The following DNAH11 variants were observed in gnomAD, a reference collection of about 807,000 sequenced individuals.
DNAH11 encodes the protein axonemal beta dynein heavy chain 11.
Under a neutral mutation model 526.0 loss-of-function variants are expected in DNAH11, and 442 were observed. The ratio of observed to expected loss-of-function variants is 0.84; its 90% confidence interval spans 0.78 to 0.91. The LOEUF (loss-of-function observed/expected upper bound fraction) is 0.91, where lower values mean the gene tolerates loss of function less well. Among genes scored for constraint, DNAH11 ranks in the 40% least tolerant of loss-of-function variants. DNAH11 has a pLI of 0.00. For synonymous variants in DNAH11, 2,461 were observed against 1,935.9 expected (o/e 1.27, Z -7.12); for missense variants, 6,989 against 5,448.7 (o/e 1.28, Z -8.90).
At chr7:21,616,369 C>T (rs1034785065) in intron 22 of DNAH11, 77 bp downstream of exon 22, 21 of 1,178,744 alleles carry the variant, frequency 1.8e-5, no homozygotes, top group Non-Finnish European at 2.0e-5. Flanking sequence ...AATCTAGTAT[C>T]TGGTGTATTG....
chr7:21,683,829 C>G lies in DNAH11; in HGVS notation c.5506C>G (p.Arg1836Gly), dbSNP rs370080269. Residue 1836 changes from arginine to glycine, a missense_variant, in exon 32 of 82, where the codon CGA becomes GGA. Arg to Gly is a moderately radical substitution (Grantham distance 125). Transcript: ENST00000409508. Reference protein sequence around the residue: ...AFTWLSQLRHRWEDTQKHCFV... With the variant: ...AFTWLSQLRHGWEDTQKHCFV... ...TACATGGCTGTCTCAACTTCGTCAC[C>G]GATGGGAGGATACCCAGAAACACTG... 4.3e-6 allele frequency: 7 copies of G among 1,612,430 alleles called. No homozygotes were observed. The highest frequency in any genetic ancestry group is 5.9e-6 in the Non-Finnish European group (7 of 1,179,264).
intron 77 of DNAH11, among the ~76,000 whole-genome samples, chr7:21,892,899 A>T (rs1222020871): frequency 3.9e-5 from 6 of 152,116 alleles, no homozygotes; most frequent in Non-Finnish European, 8.8e-5. Flanking sequence ...CTCTATCATC[A>T]CAGATTAGCT....
chr7:21,834,449 A>T (rs1488325585), intron 65 of DNAH11, among the ~76,000 whole-genome samples: 1 of 152,134 alleles, frequency 6.6e-6, no homozygotes, highest in Non-Finnish European at 1.5e-5. Flanking sequence ...GAACAAACTA[A>T]ACCCAAAATT....
In DNAH11 at chr7:21,677,473, T is replaced by G. The variant is rs549690027; in HGVS notation, c.5329-4073T>G. Among the ~76,000 whole-genome samples the G allele has an allele frequency of 1.4e-4, 21 of 152,216 alleles. No homozygotes were observed. The South Asian group carries it at 4.1e-3, about 30-fold the overall frequency. On this transcript the variant is annotated intron_variant, in intron 30 of 81. Coordinates refer to ENST00000409508, the MANE Select transcript of DNAH11 (RefSeq NM_001277115.2). ...CTCAGCTCACTGCAGCCTATACATCTCAGAGTCAAGCGATTCTCCTGCCTC... is the reference window on the plus strand; with the variant it reads ...CTCAGCTCACTGCAGCCTATACATCGCAGAGTCAAGCGATTCTCCTGCCTC...
intron 62 of DNAH11, among the ~76,000 whole-genome samples, chr7:21,802,294 C>T (rs1789029687): frequency 6.6e-6 from 1 of 152,142 alleles, no homozygotes; most frequent in Non-Finnish European, 1.5e-5. Context: ...GATACCACTT[C>T]ATAACCACCA....
At chr7:21,874,356 A>G (rs972716484) in intron 74 of DNAH11, among the ~76,000 whole-genome samples, 1 of 149,110 alleles carries the variant, frequency 6.7e-6, no homozygotes, top group African/African-American at 2.5e-5. Context: ...TTTTTTTGAG[A>G]CAGAGTTTTG....
rs997610083 is a variant in DNAH11, at chr7:21,739,741, G to A, written c.7914+68G>A. 3.3e-5 allele frequency: 40 copies of A among 1,209,420 alleles called. No individual in the cohort carries two copies. The Admixed American group carries it at 8.3e-4, about 25-fold the overall frequency. 74.9% of individuals were successfully genotyped at this position (1,209,420 alleles called of 1,614,324 possible). A position where few individuals can be genotyped will look rare whatever the true frequency, so the allele number is the denominator to read the frequency against. On this transcript the variant is annotated intron_variant, in intron 48 of 81. Transcript: ENST00000409508. ...TGTATTGTTTTCGAGTACAGCTTAG[G>A]ATTCCTATGGGACATCTTGTTAAGC...
At position 21,637,721 on chromosome 7, in the gene DNAH11, A is replaced by G; in HGVS notation, c.4817+19A>G. On this transcript the variant is annotated intron_variant, in intron 27 of 81. Coordinates refer to ENST00000409508, the MANE Select transcript of DNAH11 (RefSeq NM_001277115.2). ...AGTCCAGGTAAGAATAAAGCTATAT[A>G]AGATAATCAATTTACTGTAATTTTA... 1 of 1,425,788 alleles carries G rather than the reference A, an allele frequency of 7.0e-7. No homozygotes were observed. Among genetic ancestry groups the G allele is most frequent in the South Asian group, 1.4e-5 (1 of 73,464 alleles). The allele number at this position is 1,425,788 out of a possible 1,614,324, so 88.3% of individuals were successfully genotyped here.
At chr7:21,872,138 A>AC (rs1554291072) in intron 73 of DNAH11, among the ~76,000 whole-genome samples, 1 of 128,914 alleles carries the variant, frequency 7.8e-6, no homozygotes, top group South Asian at 2.3e-4. Flanking sequence ...AAAAAAAAAA[A>AC]AAAAAAAAAA....
Position 21,705,401 on chromosome 7 carries a change from A to T in DNAH11, c.6469-59A>T, listed in dbSNP as rs533584293. ...AAGAAGAATTGGGCAAAAATGGTAG[A>T]TTATCTTTTTGTCACCAACTCCTTA... On this transcript the variant is annotated intron_variant, in intron 38 of 81. Coordinates refer to ENST00000409508, the MANE Select transcript of DNAH11 (RefSeq NM_001277115.2). 5.3e-4 allele frequency: 835 copies of T among 1,575,224 alleles called. 2 individuals are homozygous for T. Among genetic ancestry groups the T allele is most frequent in the South Asian group, 1.4e-3 (124 of 88,462 alleles).
chr7:21,641,855 A>G (rs1787145605), intron 28 of DNAH11, among the ~76,000 whole-genome samples: 1 of 152,194 alleles, frequency 6.6e-6, no homozygotes, highest in Non-Finnish European at 1.5e-5. Context: ...TACATTGCTC[A>G]GTACTAGTCC....
At chr7:21,807,726 T>C (rs1477847725) in intron 62 of DNAH11, among the ~76,000 whole-genome samples, 157 bp from the exon 63 acceptor site, 3 of 152,096 alleles carry the variant, frequency 2.0e-5, no homozygotes, top group Non-Finnish European at 4.4e-5. Context: ...TTCAAACACA[T>C]GAAAGATTAT....
chr7:21,880,624 A>G lies in DNAH11; in HGVS notation c.12196-78A>G, dbSNP rs547765337. The G allele has an allele frequency of 8.7e-5, 131 of 1,500,482 alleles. 1 individual carries two copies. In the South Asian group the frequency reaches 1.4e-3, roughly 17 times the overall value. 92.9% of individuals were successfully genotyped at this position (1,500,482 alleles called of 1,614,324 possible). On this transcript the variant is annotated intron_variant, in intron 74 of 81. Coordinates refer to ENST00000409508, the MANE Select transcript of DNAH11 (RefSeq NM_001277115.2). ...TATCTCACTCTCAAAGTTCTTTACAAGATTATTGAAAACGCAGACCCTTGC... is the reference window on the plus strand; with the variant it reads ...TATCTCACTCTCAAAGTTCTTTACAGGATTATTGAAAACGCAGACCCTTGC...
chr7:21,873,784 C>CTTGTTTTTT (rs1783590856), intron 74 of DNAH11, among the ~76,000 whole-genome samples: 1 of 70,698 alleles, frequency 1.4e-5, no homozygotes, highest in Non-Finnish European at 2.3e-5. Context: ...GAGGAGGTTG[C>CTTGTTTTTT]TTTTTTTTTT....
At chr7:21,806,915 C>G (rs1038929822) in intron 62 of DNAH11, among the ~76,000 whole-genome samples, 1 of 152,122 alleles carries the variant, frequency 6.6e-6, no homozygotes, top group African/African-American at 2.4e-5. Flanking sequence ...TTGTGAAGTC[C>G]TGATTTCCAC....
intron 6 of DNAH11, among the ~76,000 whole-genome samples, chr7:21,568,111 C>G (rs576439352): frequency 6.6e-6 from 1 of 152,302 alleles, no homozygotes; most frequent in East Asian, 1.9e-4. Flanking sequence ...AATAGAGAAG[C>G]AGCAGCAGGG....
chr7:21,709,899 T>C (rs950760998), intron 40 of DNAH11, among the ~76,000 whole-genome samples: 1 of 152,154 alleles, frequency 6.6e-6, no homozygotes, highest in African/African-American at 2.4e-5. Flanking sequence ...ATCAAAACAG[T>C]TTTGCTCACA....
intron 65 of DNAH11, among the ~76,000 whole-genome samples, chr7:21,824,471 A>T (rs2128004196): frequency 6.6e-6 from 1 of 152,298 alleles, no homozygotes; most frequent in East Asian, 1.9e-4. Flanking sequence ...TCAGTAAATA[A>T]ATATGTATTT....
At chr7:21,770,306 CT>C (rs1787378953) in intron 55 of DNAH11, among the ~76,000 whole-genome samples, 1 of 152,178 alleles carries the variant, frequency 6.6e-6, no homozygotes, top group Admixed American at 6.5e-5. Flanking sequence ...TTATATACTC[CT>C]TATGCACATA....
Sources: allele counts gnomAD v4.1 joint callset (sites outside exome capture counted in the v4.1 genomes callset), GRCh38; gene constraint gnomAD v4.1.1; transcripts MANE v1.5; gene names NCBI Gene and HGNC (gene_info 2026-07-23, HGNC 2026-07-21).